Variants in DENND10 observed in about 807,000 individuals in gnomAD.
The protein encoded by DENND10 is DENN domain containing 10.
DENND10 carries 24 observed loss-of-function variants against 43.6 expected under a neutral mutation model. The observed-to-expected ratio is 0.55, with a 90% CI of 0.40 to 0.77. The LOEUF (loss-of-function observed/expected upper bound fraction) is 0.77, where lower values mean the gene tolerates loss of function less well. Among genes scored for constraint, DENND10 ranks in the 30% least tolerant of loss-of-function variants. The pLI, the probability that DENND10 is intolerant of heterozygous loss-of-function variation, is 0.00. For missense variants in DENND10, 303 were observed against 429.9 expected (o/e 0.70, Z 2.61); for synonymous variants, 125 against 157.6 (o/e 0.79, Z 1.55).
At chr10:119,108,711 A>G (rs533080691) in intron 2 of DENND10, among the ~76,000 whole-genome samples, 9 of 149,982 alleles carry the variant, frequency 6.0e-5, no homozygotes, top group Admixed American at 6.0e-4. Context: ...CTGGAGTGCA[A>G]TGGCGCAATC....
chr10:119,117,359 G>GAGACTCTGTCTCAAAAAAAAC lies in DENND10; in HGVS notation c.333-156_333-136dup, dbSNP rs1286514431. On this transcript the variant is annotated intron_variant, in intron 3 of 8. Coordinates refer to ENST00000361432, the MANE Select transcript of DENND10 (RefSeq NM_207009.4). ...TGCACTCCAGCCCGGGCGACAGAGT[G>GAGACTCTGTCTCAAAAAAAAC]AGACTCTGTCTCAAAAAAAACAGAA... Among the ~76,000 whole-genome samples the GAGACTCTGTCTCAAAAAAAAC allele has an allele frequency of 3.3e-5, 5 of 151,998 alleles. No individual in the cohort carries two copies. In the East Asian group the frequency reaches 5.8e-4, roughly 18 times the overall value.
intron 3 of DENND10, among the ~76,000 whole-genome samples, chr10:119,112,697 G>T (rs1845035305): frequency 2.0e-5 from 3 of 151,672 alleles, no homozygotes; most frequent in Admixed American, 2.0e-4. Flanking sequence ...GTTTCACCAT[G>T]TTGCCCAGGC....
intron 8 of DENND10, among the ~76,000 whole-genome samples, chr10:119,135,360 C>A (rs1324376067): frequency 6.6e-6 from 1 of 151,960 alleles, no homozygotes; most frequent in Non-Finnish European, 1.5e-5. Context: ...CAGAAGCAAC[C>A]CAGTGTCCTT....
chr10:119,112,982 T>C (rs887328678), intron 3 of DENND10, among the ~76,000 whole-genome samples: 1 of 151,788 alleles, frequency 6.6e-6, no homozygotes, highest in Non-Finnish European at 1.5e-5. Context: ...CCCGAGTAAC[T>C]GAGATTACAG....
At chr10:119,112,493 CTT>C (rs1353576739) in intron 3 of DENND10, among the ~76,000 whole-genome samples, 36 of 133,452 alleles carry the variant, frequency 2.7e-4, no homozygotes, top group Non-Finnish European at 3.4e-4. Flanking sequence ...TTTTCTTTTT[CTT>C]TTTTTTTTTT....
intron 8 of DENND10, chr10:119,134,005 GAATT>G (rs900143698): frequency 2.6e-5 from 4 of 152,288 alleles, no homozygotes; most frequent in African/African-American, 9.6e-5. Flanking sequence ...ATACATGAAT[GAATT>G]AATGATGTCA....
chr10:119,111,252 A>G (rs1844957040), intron 2 of DENND10, among the ~76,000 whole-genome samples: 1 of 120,512 alleles, frequency 8.3e-6, no homozygotes, highest in Non-Finnish European at 1.7e-5. Context: ...TGGGCGACAG[A>G]GCAAATGTCC....
At chr10:119,107,078 A>G (rs1056572227) in intron 1 of DENND10, among the ~76,000 whole-genome samples, 7 of 151,320 alleles carry the variant, frequency 4.6e-5, no homozygotes, top group Non-Finnish European at 1.0e-4. Context: ...GCACTTTGGG[A>G]GGCCGAGGCG....
intron 6 of DENND10, 174 bp from the exon 7 acceptor site, chr10:119,129,341 C>T (rs1845977461): frequency 1.7e-6 from 1 of 592,626 alleles, no homozygotes; most frequent in South Asian, 2.1e-5. Context: ...GTGTGAATAT[C>T]TTCAGGCAAC....
chr10:119,110,043 GT>G (rs1844902727), intron 2 of DENND10, among the ~76,000 whole-genome samples: 1 of 151,876 alleles, frequency 6.6e-6, no homozygotes, highest in Non-Finnish European at 1.5e-5. Flanking sequence ...GAACTCCTGA[GT>G]TCAAGCGATC....
chr10:119,130,794 G>T (rs1248723241), intron 7 of DENND10, among the ~76,000 whole-genome samples: 2 of 152,196 alleles, frequency 1.3e-5, no homozygotes, highest in African/African-American at 4.8e-5. Context: ...CTCTCCATAG[G>T]GTTGCTTGAG....
At chr10:119,106,398 G>T (rs1844699341) in intron 1 of DENND10, among the ~76,000 whole-genome samples, 2 of 152,160 alleles carry the variant, frequency 1.3e-5, no homozygotes. Flanking sequence ...AGGCTGGAAT[G>T]CAGTGGTGCA....
rs1589612564 is a variant in DENND10, at chr10:119,136,646, G to A, written c.1073G>A (p.Ter358=). 2.8e-6 allele frequency: 4 copies of A among 1,442,868 alleles called. No homozygotes were observed. In the East Asian group the frequency reaches 9.3e-5, roughly 34 times the overall value. 89.4% of individuals were successfully genotyped at this position (1,442,868 alleles called of 1,614,324 possible). ...LAAAEQMLKI[*] ...GCAGCCGAACAAATGCTGAAAATCTGACTGTGTGACAGAACGTATCACTGA... is the reference window on the plus strand; with the variant it reads ...GCAGCCGAACAAATGCTGAAAATCTAACTGTGTGACAGAACGTATCACTGA... The change falls in exon 9 of 9, where the codon TGA becomes TAA. Residue 358 remains the stop codon, a stop_retained_variant. Coordinates refer to ENST00000361432, the MANE Select transcript of DENND10 (RefSeq NM_207009.4).
At chr10:119,133,087 C>CT (rs1564801849) in intron 8 of DENND10, 1 of 161,216 alleles carries the variant, frequency 6.2e-6, no homozygotes, top group Non-Finnish European at 1.4e-5. Flanking sequence ...GAGCCAGCTC[C>CT]TTGCTGGTGT....
intron 5 of DENND10, among the ~76,000 whole-genome samples, chr10:119,123,130 G>A (rs959156645): frequency 1.3e-5 from 2 of 152,142 alleles, no homozygotes; most frequent in Admixed American, 6.5e-5. Flanking sequence ...TAACCGGGCC[G>A]TGGTGGCAGG....
intron 6 of DENND10, among the ~76,000 whole-genome samples, chr10:119,128,302 G>C (rs1845919835): frequency 6.6e-6 from 1 of 151,670 alleles, no homozygotes; most frequent in Non-Finnish European, 1.5e-5. Context: ...AACAGAGCAA[G>C]ACTCTGTCTC....
chr10:119,115,382 ATTTTTTTTT>A (rs397845392), intron 3 of DENND10, among the ~76,000 whole-genome samples: 1 of 48,418 alleles, frequency 2.1e-5, no homozygotes, highest in East Asian at 8.0e-4. Flanking sequence ...TGAATTGGTA[ATTTTTTTTT>A]TTTTTTTTTT....
chr10:119,122,697 GT>G (rs534965396), intron 5 of DENND10, among the ~76,000 whole-genome samples: 1 of 152,190 alleles, frequency 6.6e-6, no homozygotes, highest in African/African-American at 2.4e-5. Context: ...TCTACCATAA[GT>G]TTTTTTCAGA....
intron 4 of DENND10, among the ~76,000 whole-genome samples, chr10:119,118,013 C>G (rs1336781765): frequency 6.6e-6 from 1 of 152,040 alleles, no homozygotes; most frequent in Non-Finnish European, 1.5e-5. Context: ...CAAAACCCTT[C>G]CAACAACAAA....
Sources: gnomAD v4.1 joint callset for allele counts (sites outside exome capture counted in the v4.1 genomes callset) on GRCh38, gnomAD v4.1.1 for gene constraint, MANE v1.5 for transcripts, NCBI Gene and HGNC (gene_info 2026-07-23, HGNC 2026-07-21) for gene names.